CTTNBP2: variants seen among roughly 807,000 people sequenced by gnomAD.
CTTNBP2 encodes the protein cortactin-binding protein 2.
Under a neutral mutation model 156.9 loss-of-function variants are expected in CTTNBP2, and 108 were observed. That is an observed-to-expected ratio of 0.69 (90% CI 0.59 to 0.81). The LOEUF is 0.81. Among genes scored for constraint, CTTNBP2 ranks in the 30% least tolerant of loss-of-function variants. The pLI, the probability that CTTNBP2 is intolerant of heterozygous loss-of-function variation, is 0.00. For missense variants in CTTNBP2, 1,924 were observed against 2,035.4 expected (o/e 0.95, Z 1.05); for synonymous variants, 767 against 751.8 (o/e 1.02, Z -0.33).
At chr7:117,764,094 C>T (rs942176575) in intron 9 of CTTNBP2, among the ~76,000 whole-genome samples, 1 of 152,106 alleles carries the variant, frequency 6.6e-6, no homozygotes, top group Non-Finnish European at 1.5e-5. Context: ...TTCAGCCCTC[C>T]TTCCCTCTTA....
chr7:117,748,205 G>T (rs34505144), intron 12 of CTTNBP2, among the ~76,000 whole-genome samples: 2,478 of 152,232 alleles, frequency 0.016, 22 homozygotes, highest in South Asian at 0.032. Flanking sequence ...TTATTGAAAA[G>T]TAATACGTTT....
rs780354781 is a variant in CTTNBP2 at position 117,792,713 on chromosome 7, C to T, written c.483G>A (p.Glu161=). ...QEHKKLAARL[E]EERGKNKQVV... ...CCTGCTTGTTCTTGCCACGCTCTTCCTCAAGGCGGGCAGCCAGCTTCTTGT... is the reference window on the plus strand; with the variant it reads ...CCTGCTTGTTCTTGCCACGCTCTTCTTCAAGGCGGGCAGCCAGCTTCTTGT... Residue 161 remains glutamate, a synonymous_variant, in exon 4 of 23, where the codon GAG becomes GAA. Coordinates refer to ENST00000160373, the MANE Select transcript of CTTNBP2 (RefSeq NM_033427.3). The surrounding 1 kb of genome is among the most constrained non-coding windows in gnomAD (Gnocchi z 4.2). 2 of 1,610,120 alleles carry T rather than the reference C, an allele frequency of 1.2e-6. No homozygotes were observed. The highest frequency in any genetic ancestry group is 8.5e-7 in the Non-Finnish European group (1 of 1,177,934).
chr7:117,725,339 G>A, intron 17 of CTTNBP2, 82 bp from the exon 18 acceptor site: 2 of 1,277,844 alleles, frequency 1.6e-6, no homozygotes, highest in Non-Finnish European at 1.1e-6. Flanking sequence ...ACAGTTTGAA[G>A]ACTATGGGGA....
chr7:117,863,747 C>T (rs1005972104), intron 1 of CTTNBP2, among the ~76,000 whole-genome samples: 1 of 152,118 alleles, frequency 6.6e-6, no homozygotes, highest in Non-Finnish European at 1.5e-5. Flanking sequence ...TGAAGGCAGG[C>T]GATTGTTATT....
At chr7:117,712,904 G>A (rs1794137043) in intron 22 of CTTNBP2, among the ~76,000 whole-genome samples, 1 of 152,064 alleles carries the variant, frequency 6.6e-6, no homozygotes, top group Non-Finnish European at 1.5e-5. Context: ...TAAATCAAGG[G>A]TCCCCAAGCC....
chr7:117,794,877 C>CT (rs755340586), intron 3 of CTTNBP2, among the ~76,000 whole-genome samples: 3,575 of 88,384 alleles, frequency 0.04, 569 homozygotes, highest in African/African-American at 0.065. Flanking sequence ...ATATGTATAT[C>CT]TTTTTTTTTT....
intron 18 of CTTNBP2, 64 bp from the exon 19 acceptor site, chr7:117,724,796 C>T (rs1351102533): frequency 7.7e-6 from 12 of 1,558,348 alleles, no homozygotes; most frequent in Admixed American, 3.7e-5. Flanking sequence ...AATACATTTC[C>T]GTTTCTCAAA....
At chr7:117,842,810 T>G (rs928936164) in intron 2 of CTTNBP2, among the ~76,000 whole-genome samples, 1 of 152,232 alleles carries the variant, frequency 6.6e-6, no homozygotes, top group Non-Finnish European at 1.5e-5. Context: ...GCATCTATAT[T>G]TAACAAGGAA....
intron 2 of CTTNBP2, among the ~76,000 whole-genome samples, chr7:117,825,041 C>CTGAATA (rs1410969283): frequency 6.6e-6 from 1 of 152,138 alleles, no homozygotes; most frequent in African/African-American, 2.4e-5. Context: ...TAGAATCTTT[C>CTGAATA]TGAATATATT....
intron 2 of CTTNBP2, among the ~76,000 whole-genome samples, chr7:117,811,582 T>A (rs540406808): frequency 6.7e-4 from 102 of 152,286 alleles, no homozygotes; most frequent in Non-Finnish European, 1.2e-3. Context: ...GGAGCCACCA[T>A]GCCCCACCTA....
rs770193551 is a variant in CTTNBP2, at chr7:117,725,140, A to G, written c.4173T>C (p.Pro1391=). The G allele has an allele frequency of 6.2e-7, 1 of 1,613,622 alleles. No individual in the cohort carries two copies. Residue 1391 remains proline, a synonymous_variant, in exon 18 of 23, where the codon CCT becomes CCC. Transcript: ENST00000160373. Reference sequence around the variant, plus strand: ...TGACCACAGCCTGCTGTCCTTGGCTAGGGTGTCTTTTAGCAGTTGTCTGCC... The same window carrying G: ...TGACCACAGCCTGCTGTCCTTGGCTGGGGTGTCTTTTAGCAGTTGTCTGCC... ...GFGQTTAKRH[P]SQGQQAVVKA... is the part of the protein sequence containing the mutation.
At chr7:117,845,174 T>C (rs1028282659) in intron 2 of CTTNBP2, among the ~76,000 whole-genome samples, 2 of 152,044 alleles carry the variant, frequency 1.3e-5, no homozygotes, top group African/African-American at 4.8e-5. Context: ...ACCAAGGGAA[T>C]TGGGGGCATC....
intron 14 of CTTNBP2, 44 bp downstream of exon 14, chr7:117,745,787 C>A: frequency 8.1e-7 from 1 of 1,227,546 alleles, no homozygotes; most frequent in South Asian, 1.2e-5. Flanking sequence ...AATTGAAGAG[C>A]ATGCCTTTAG....
At chr7:117,842,517 TA>T (rs1175444289) in intron 2 of CTTNBP2, among the ~76,000 whole-genome samples, 3 of 149,086 alleles carry the variant, frequency 2.0e-5, no homozygotes, top group Admixed American at 6.7e-5. Flanking sequence ...AGTCTTGCAT[TA>T]AAAAAAAAGA....
At chr7:117,830,187 G>T (rs1801515107) in intron 2 of CTTNBP2, among the ~76,000 whole-genome samples, 1 of 152,116 alleles carries the variant, frequency 6.6e-6, no homozygotes, top group South Asian at 2.1e-4. Context: ...ATTTTTCAAT[G>T]TTAAAATGAC....
intron 2 of CTTNBP2, among the ~76,000 whole-genome samples, chr7:117,846,330 AT>A (rs1563063280): frequency 6.6e-6 from 1 of 152,188 alleles, no homozygotes; most frequent in Non-Finnish European, 1.5e-5. Flanking sequence ...GATAAAAAAA[AT>A]GAGAAATATA....
chr7:117,738,645 G>A (rs1795834130), intron 14 of CTTNBP2, among the ~76,000 whole-genome samples: 1 of 152,208 alleles, frequency 6.6e-6, no homozygotes, highest in African/African-American at 2.4e-5. Context: ...AATGGAGGCA[G>A]AGAGCAGATG....
intron 1 of CTTNBP2, among the ~76,000 whole-genome samples, chr7:117,870,622 C>A (rs573490657): frequency 2.0e-5 from 3 of 152,310 alleles, no homozygotes; most frequent in South Asian, 2.1e-4. Context: ...AAAAGATCTC[C>A]ATTTTCCTTT....
intron 2 of CTTNBP2, among the ~76,000 whole-genome samples, chr7:117,824,404 G>A (rs1301684040): frequency 1.3e-5 from 2 of 151,868 alleles, no homozygotes; most frequent in Admixed American, 6.6e-5. Flanking sequence ...GCACATACAC[G>A]AATCTTCATT....
Sources: gnomAD v4.1 joint callset for allele counts (sites outside exome capture counted in the v4.1 genomes callset) on GRCh38, gnomAD v4.1.1 for gene constraint, Gnocchi (gnomAD v3.1) non-coding constraint, MANE v1.5 for transcripts, NCBI Gene and HGNC (gene_info 2026-07-23, HGNC 2026-07-21) for gene names.